Variants in STPG2 observed in about 807,000 individuals in gnomAD.
STPG2 encodes sperm tail PG-rich repeat containing 2.
STPG2 carries 56 observed loss-of-function variants against 54.2 expected under a neutral mutation model. The ratio of observed to expected loss-of-function variants is 1.03; its 90% CI spans 0.83 to 1.29. The LOEUF is 1.29. Among genes scored for constraint, STPG2 ranks in the 50% most tolerant of loss-of-function variants. STPG2 has a pLI of 0.00. For missense variants in STPG2, 596 were observed against 544.9 expected (o/e 1.09, Z -0.93); for synonymous variants, 200 against 181.8 (o/e 1.10, Z -0.81).
At chr4:97,939,409 G>A (rs182687908) in intron 8 of STPG2, among the ~76,000 whole-genome samples, 1 of 152,292 alleles carries the variant, frequency 6.6e-6, no homozygotes, top group African/African-American at 2.4e-5. Flanking sequence ...TCAGTGGGGT[G>A]TTGAAGTCTT....
Position 98,128,498 on chromosome 4 carries a change from C to A in STPG2, c.317G>T (p.Gly106Val). The A allele has an allele frequency of 6.2e-7, 1 of 1,613,494 alleles. No individual in the cohort carries two copies. The highest frequency in any genetic ancestry group is 1.1e-5 in the South Asian group (1 of 90,968). Reference sequence around the variant, plus strand: ...AGGTGGAAAACATTTTATAATACTGCCATCATCATTAATATGATAACCATA... The same window carrying A: ...AGGTGGAAAACATTTTATAATACTGACATCATCATTAATATGATAACCATA... ...KSYGYHINDD[G>V]SIIKCFPPAC... The change falls in exon 3 of 11, where the codon GGC becomes GTC. Residue 106 changes from glycine to valine, a missense_variant. By Grantham distance (109) the Gly-to-Val change is moderately radical (BLOSUM62 -3). Transcript: ENST00000295268.
At chr4:97,493,971 C>T (rs947794895) in intron 4 of STPG2, among the ~76,000 whole-genome samples, 10 of 151,450 alleles carry the variant, frequency 6.6e-5, no homozygotes, top group African/African-American at 2.2e-4. Flanking sequence ...AGGTGCCCTA[C>T]ATTTTAGCTA....
chr4:97,740,337 C>T (rs530513855), intron 9 of STPG2, among the ~76,000 whole-genome samples: 5 of 152,242 alleles, frequency 3.3e-5, no homozygotes, highest in African/African-American at 9.6e-5. Flanking sequence ...CACTCCTATT[C>T]AACATAGTGT....
intron 9 of STPG2, among the ~76,000 whole-genome samples, chr4:97,800,587 C>T (rs1727355314): frequency 6.6e-6 from 1 of 152,198 alleles, no homozygotes; most frequent in African/African-American, 2.4e-5. Flanking sequence ...TGTCAGTCTG[C>T]CCCTAATGGG....
chr4:97,823,775 T>C (rs1426261935), intron 9 of STPG2, among the ~76,000 whole-genome samples: 1 of 152,254 alleles, frequency 6.6e-6, no homozygotes, highest in African/African-American at 2.4e-5. Context: ...GTAAGTGGGA[T>C]GAATTTACCC....
At chr4:97,581,799 T>C (rs1400405871) in intron 10 of STPG2, among the ~76,000 whole-genome samples, 2 of 152,020 alleles carry the variant, frequency 1.3e-5, no homozygotes, top group African/African-American at 4.8e-5. Context: ...GATTATTTTA[T>C]AAAACATCTG....
intron 9 of STPG2, among the ~76,000 whole-genome samples, chr4:97,713,291 G>T (rs1435776046): frequency 2.0e-5 from 3 of 152,160 alleles, no homozygotes; most frequent in African/African-American, 7.2e-5. Flanking sequence ...TAAACAGATG[G>T]TTTGCATGGA....
chr4:98,099,660 G>T (rs1738967662), intron 5 of STPG2, among the ~76,000 whole-genome samples: 1 of 152,076 alleles, frequency 6.6e-6, no homozygotes, highest in Non-Finnish European at 1.5e-5. Context: ...TGCACTTAAG[G>T]GGATGGATAA....
chr4:98,081,564 C>G (rs947970902), intron 5 of STPG2, among the ~76,000 whole-genome samples: 79 of 152,152 alleles, frequency 5.2e-4, no homozygotes, highest in Non-Finnish European at 2.9e-4. Flanking sequence ...AGCTTTGATT[C>G]AGCTTTACAT....
At chr4:97,581,623 A>C (rs1458226680) in intron 10 of STPG2, among the ~76,000 whole-genome samples, 3 of 152,112 alleles carry the variant, frequency 2.0e-5, no homozygotes, top group African/African-American at 4.8e-5. Flanking sequence ...TTTATCATTT[A>C]ACTCATCAAT....
intron 10 of STPG2, among the ~76,000 whole-genome samples, chr4:97,626,140 TTAATA>T (rs1392023846): frequency 1.3e-5 from 2 of 152,340 alleles, no homozygotes; most frequent in East Asian, 3.9e-4. Flanking sequence ...TACATGTGTC[TTAATA>T]TAAAATAATA....
At chr4:97,595,351 C>G in intron 10 of STPG2, among the ~76,000 whole-genome samples, 1 of 122,102 alleles carries the variant, frequency 8.2e-6, no homozygotes, top group African/African-American at 6.5e-5. Flanking sequence ...ATCGCAAGGA[C>G]AAAAAACAAA....
chr4:98,076,323 C>T (rs1738167191), intron 5 of STPG2, among the ~76,000 whole-genome samples: 1 of 131,710 alleles, frequency 7.6e-6, no homozygotes, highest in Non-Finnish European at 1.7e-5. Context: ...AACTAAAAAT[C>T]CAGATTAATC....
intron 4 of STPG2, among the ~76,000 whole-genome samples, chr4:97,460,457 G>T (rs1729635388): frequency 6.7e-6 from 1 of 149,926 alleles, no homozygotes; most frequent in African/African-American, 2.5e-5. Context: ...TTGTAATTCT[G>T]GAGACTTTAG....
chr4:97,990,037 C>T (rs1263078517), intron 5 of STPG2, among the ~76,000 whole-genome samples: 2 of 152,186 alleles, frequency 1.3e-5, no homozygotes, highest in African/African-American at 4.8e-5. Context: ...ACCAGAATTA[C>T]TTTTCTACTA....
At chr4:98,019,461 G>T (rs1468663584) in intron 5 of STPG2, among the ~76,000 whole-genome samples, 1 of 151,864 alleles carries the variant, frequency 6.6e-6, no homozygotes, top group Non-Finnish European at 1.5e-5. Context: ...GATGCCTCCG[G>T]GTTTATTCTT....
At chr4:98,073,829 T>C (rs972639272) in intron 5 of STPG2, among the ~76,000 whole-genome samples, 5 of 152,182 alleles carry the variant, frequency 3.3e-5, no homozygotes, top group Non-Finnish European at 7.3e-5. Flanking sequence ...TATAGGCACA[T>C]TGCAAGTATA....
intron 8 of STPG2, among the ~76,000 whole-genome samples, chr4:97,866,679 C>T (rs922413539): frequency 1.3e-5 from 2 of 151,838 alleles, no homozygotes; most frequent in Admixed American, 1.3e-4. Context: ...TTTTTTTCAA[C>T]TTTCTTCTGC....
chr4:97,662,184 A>G (rs1230371758), intron 10 of STPG2, among the ~76,000 whole-genome samples: 5 of 152,210 alleles, frequency 3.3e-5, no homozygotes, highest in Admixed American at 6.5e-5. Flanking sequence ...ATCAATAAAC[A>G]AAGAGCAAAT....
Sources: gnomAD v4.1 joint callset for allele counts (sites outside exome capture counted in the v4.1 genomes callset) on GRCh38, gnomAD v4.1.1 for gene constraint, MANE v1.5 for transcripts, NCBI Gene and HGNC (gene_info 2026-07-23, HGNC 2026-07-21) for gene names.